The following RAB11FIP3 variants were observed in gnomAD, a reference collection of about 807,000 sequenced individuals.
RAB11FIP3 encodes RAB11 family interacting protein 3, also known as rab11 family-interacting protein 3.
RAB11FIP3 carries 17 observed loss-of-function variants against 77.8 expected under a neutral mutation model. The ratio of observed to expected loss-of-function variants is 0.22; its 90% CI spans 0.15 to 0.33. The LOEUF (loss-of-function observed/expected upper bound fraction) is 0.33. Ranked by LOEUF, RAB11FIP3 falls within the 10% of genes least tolerant of loss-of-function variation. RAB11FIP3 has a pLI of 1.00. For missense variants in RAB11FIP3, 1,005 were observed against 1,011.2 expected (o/e 0.99, Z 0.08); for synonymous variants, 437 against 448.2 (o/e 0.98, Z 0.31).
chr16:502,568 C>G (rs1487248417), intron 6 of RAB11FIP3, among the ~76,000 whole-genome samples: 6 of 152,158 alleles, frequency 3.9e-5, no homozygotes, highest in African/African-American at 1.4e-4. Flanking sequence ...AGTCTGAGAT[C>G]AAGAATGTGC....
chr16:493,839 G>A lies in RAB11FIP3; in HGVS notation c.1266-2985G>A, dbSNP rs537684613. ...AATCTCCGGACCTCGTGATCCGCCC[G>A]CCTTGACCCCCCAAAGTGCTGGGAT... On this transcript the variant is annotated intron_variant, in intron 5 of 13. Transcript: ENST00000262305. Among the ~76,000 whole-genome samples the A allele has an allele frequency of 6.8e-5, 10 of 147,970 alleles. 1 individual carries two copies. The East Asian group carries it at 1.2e-3, about 18-fold the overall frequency.
chr16:478,486 C>T lies in RAB11FIP3; in HGVS notation c.904-4039C>T, dbSNP rs114692268. On this transcript the variant is annotated intron_variant, in intron 3 of 13. Coordinates refer to ENST00000262305, the MANE Select transcript of RAB11FIP3 (RefSeq NM_014700.4). ...GATTACAGGCATTAACCACGGCGCC[C>T]AGCCACTTTGTCTGCTTCTTACGAT... is the stretch of plus-strand genomic sequence containing the variant. Among the ~76,000 whole-genome samples the T allele has an allele frequency of 3.6e-3, 541 of 152,220 alleles. 2 individuals carry two copies. The highest frequency in any genetic ancestry group is 0.013 in the African/African-American group (523 of 41,518).
chr16:501,424 G>A (rs1250318161), intron 6 of RAB11FIP3, among the ~76,000 whole-genome samples: 3 of 148,054 alleles, frequency 2.0e-5, no homozygotes, highest in Non-Finnish European at 3.0e-5. Flanking sequence ...CTGGGAGAGG[G>A]TCCCCCCATT....
At chr16:443,640 A>G (rs1397152716) in intron 1 of RAB11FIP3, among the ~76,000 whole-genome samples, 1 of 152,176 alleles carries the variant, frequency 6.6e-6, no homozygotes, top group Non-Finnish European at 1.5e-5. Context: ...ATCTTGGCTC[A>G]CTGCAACCTC....
intron 1 of RAB11FIP3, among the ~76,000 whole-genome samples, chr16:460,489 A>G (rs1312529915): frequency 1.3e-5 from 2 of 151,952 alleles, no homozygotes; most frequent in Non-Finnish European, 2.9e-5. Context: ...AAAATTTTTA[A>G]ATTTTTATGA....
At chr16:459,431 CTTTTTTT>C (rs56705738) in intron 1 of RAB11FIP3, among the ~76,000 whole-genome samples, 2 of 117,452 alleles carry the variant, frequency 1.7e-5, no homozygotes, top group Non-Finnish European at 3.5e-5. Flanking sequence ...CAGCTTCAAA[CTTTTTTT>C]TTTTTTTTTT....
At chr16:485,007 C>A (rs577378059) in intron 4 of RAB11FIP3, among the ~76,000 whole-genome samples, 9 of 152,214 alleles carry the variant, frequency 5.9e-5, no homozygotes, top group African/African-American at 2.2e-4. Context: ...CTGCCACATG[C>A]TTTTTACTTG....
chr16:493,308 C>T (rs1348762101), intron 5 of RAB11FIP3, among the ~76,000 whole-genome samples: 2 of 149,396 alleles, frequency 1.3e-5, no homozygotes, highest in South Asian at 2.1e-4. Flanking sequence ...TTCAATTCAA[C>T]ACAATCAGGA....
intron 6 of RAB11FIP3, among the ~76,000 whole-genome samples, chr16:498,839 G>GCTAGGGT (rs2031322020): frequency 6.6e-6 from 1 of 152,178 alleles, no homozygotes; most frequent in Non-Finnish European, 1.5e-5. Flanking sequence ...GGGGCTAGGG[G>GCTAGGGT]CTAGGGGCTA....
intron 1 of RAB11FIP3, among the ~76,000 whole-genome samples, chr16:442,315 G>T (rs1305094147): frequency 1.3e-5 from 2 of 152,202 alleles, no homozygotes; most frequent in African/African-American, 4.8e-5. Context: ...TATGATGCTG[G>T]TTTTTGAAAT....
chr16:499,788 A>C (rs1175161473), intron 6 of RAB11FIP3, among the ~76,000 whole-genome samples: 1 of 135,966 alleles, frequency 7.4e-6, no homozygotes, highest in Non-Finnish European at 1.5e-5. Flanking sequence ...ACAGAGCAAG[A>C]CTGTCTCAAA....
At chr16:518,206 G>A (rs557556143) in intron 9 of RAB11FIP3, among the ~76,000 whole-genome samples, 9 of 152,216 alleles carry the variant, frequency 5.9e-5, no homozygotes, top group Non-Finnish European at 1.2e-4. Context: ...AGCCCCTCAA[G>A]TAGCTGGAGC....
intron 8 of RAB11FIP3, among the ~76,000 whole-genome samples, chr16:509,910 G>A (rs1180314082): frequency 6.6e-6 from 1 of 152,240 alleles, no homozygotes; most frequent in Non-Finnish European, 1.5e-5. Flanking sequence ...GCAGCTGAAG[G>A]CAGACTCCGC....
chr16:426,468 G>A lies in RAB11FIP3; in HGVS notation c.462G>A (p.Ala154=), dbSNP rs564880270. ...RLQGSSSSHR[A]RGEVDVFSPF... The stretch of plus-strand genomic sequence containing the variant: ...AGGGGTCCAGCAGCAGCCACCGAGC[G>A]CGGGGCGAGGTCGACGTCTTCTCTC... The change falls in exon 1 of 14, where the codon GCG becomes GCA. Residue 154 remains alanine (A), a synonymous_variant. Coordinates refer to ENST00000262305, the MANE Select transcript of RAB11FIP3 (RefSeq NM_014700.4). This position sits in a 1 kb window ranked among gnomAD's most constrained non-coding sequence, Gnocchi z 5.0. The A allele has an allele frequency of 1.3e-6, 2 of 1,581,078 alleles. No homozygotes were observed. The highest frequency in any genetic ancestry group is 1.7e-6 in the Non-Finnish European group (2 of 1,164,764).
At chr16:509,205 G>A (rs1472741869) in intron 8 of RAB11FIP3, among the ~76,000 whole-genome samples, 1 of 152,250 alleles carries the variant, frequency 6.6e-6, no homozygotes, top group South Asian at 2.1e-4. Context: ...ATCTCAATCG[G>A]ACTTTTAAAT....
chr16:492,540 A>AGGGCCCTCCCCGG (rs2030655052), intron 5 of RAB11FIP3, among the ~76,000 whole-genome samples: 3 of 137,882 alleles, frequency 2.2e-5, no homozygotes, highest in South Asian at 2.1e-4. Flanking sequence ...GAGGCCGTCC[A>AGGGCCCTCCCCGG]GAATCTTGGA....
chr16:462,365 A>G (rs550952285), intron 2 of RAB11FIP3, among the ~76,000 whole-genome samples: 2 of 152,154 alleles, frequency 1.3e-5, no homozygotes, highest in African/African-American at 2.4e-5. Flanking sequence ...ACCCACCACC[A>G]TGCTCACCTC....
At chr16:434,314 G>A (rs1033105966) in intron 1 of RAB11FIP3, among the ~76,000 whole-genome samples, 2 of 152,158 alleles carry the variant, frequency 1.3e-5, no homozygotes, top group Non-Finnish European at 2.9e-5. Flanking sequence ...GTAGAGGCGG[G>A]GTTTCGCCAT....
chr16:433,506 T>C (rs1018399758), intron 1 of RAB11FIP3, among the ~76,000 whole-genome samples: 1 of 151,964 alleles, frequency 6.6e-6, no homozygotes, highest in African/African-American at 2.4e-5. Context: ...GACCTCCATT[T>C]CCTTCCACGT....
Sources: gnomAD v4.1 joint callset for allele counts (sites outside exome capture counted in the v4.1 genomes callset) on GRCh38, gnomAD v4.1.1 for gene constraint, Gnocchi (gnomAD v3.1) non-coding constraint, MANE v1.5 for transcripts, NCBI Gene and HGNC (gene_info 2026-07-23, HGNC 2026-07-21) for gene names.